NCOA3: variants seen among roughly 807,000 people sequenced by gnomAD.
NCOA3 encodes the protein nuclear receptor coactivator 3.
In NCOA3, 51 loss-of-function variants were observed where a neutral mutation model predicts 158.8. The observed-to-expected ratio is 0.32, with a 90% CI of 0.26 to 0.41. The LOEUF (loss-of-function observed/expected upper bound fraction) is 0.41, where lower values mean the gene tolerates loss of function less well. Ranked by LOEUF, NCOA3 falls within the 10% of genes least tolerant of loss-of-function variation. The probability of loss-of-function intolerance (pLI) is 1.00; values close to 1 mark genes in which losing one functional copy is unlikely to be tolerated. For missense variants in NCOA3, 1,510 were observed against 1,746.6 expected (o/e 0.86, Z 2.41); for synonymous variants, 537 against 592.4 (o/e 0.91, Z 1.36).
At chr20:47,617,477 T>C (rs1183923666) in intron 2 of NCOA3, among the ~76,000 whole-genome samples, 1 of 152,218 alleles carries the variant, frequency 6.6e-6, no homozygotes, top group African/African-American at 2.4e-5. Context: ...TCATCTTCAT[T>C]CTTGACTGTT....
chr20:47,545,796 C>G (rs991099950), intron 1 of NCOA3, among the ~76,000 whole-genome samples: 6 of 151,836 alleles, frequency 4.0e-5, no homozygotes, highest in African/African-American at 1.2e-4. Context: ...CTCATTGCAA[C>G]CTCCACCTCC....
At chr20:47,531,577 A>G (rs985569750) in intron 1 of NCOA3, among the ~76,000 whole-genome samples, 7 of 152,176 alleles carry the variant, frequency 4.6e-5, no homozygotes, top group Admixed American at 2.6e-4. Context: ...GAGCAAGAAT[A>G]ATGTTGTGAC....
At chr20:47,633,986 C>G in intron 9 of NCOA3, 62 bp from the exon 10 acceptor site, 4 of 1,575,986 alleles carry the variant, frequency 2.5e-6, no homozygotes, top group Non-Finnish European at 3.5e-6. Context: ...CTCCCTGTCC[C>G]CTCCTATATA....
chr20:47,618,573 C>T (rs538439645), intron 2 of NCOA3, among the ~76,000 whole-genome samples: 15 of 152,160 alleles, frequency 9.9e-5, no homozygotes, highest in South Asian at 2.1e-4. Context: ...AGGCTGGTCT[C>T]GAACTCCCGA....
At chr20:47,652,829 T>C (rs1251224512) in intron 21 of NCOA3, 102 bp from the exon 22 acceptor site, 3 of 1,356,754 alleles carry the variant, frequency 2.2e-6, no homozygotes, top group Non-Finnish European at 3.1e-6. Context: ...ATTCCCAGCT[T>C]AAGTATAGCA....
intron 1 of NCOA3, among the ~76,000 whole-genome samples, chr20:47,556,429 T>C (rs2085008171): frequency 1.3e-5 from 2 of 152,356 alleles, no homozygotes; most frequent in Middle Eastern, 3.4e-3. Flanking sequence ...AAATTGATTT[T>C]GCAATATTTT....
intron 1 of NCOA3, among the ~76,000 whole-genome samples, chr20:47,571,295 G>A (rs1016436685): frequency 3.3e-5 from 5 of 150,336 alleles, no homozygotes; most frequent in Middle Eastern, 3.6e-3. Flanking sequence ...ATGAGCCACC[G>A]TGCCCGGCTA....
intron 1 of NCOA3, among the ~76,000 whole-genome samples, chr20:47,568,226 C>A (rs2085229940): frequency 6.6e-6 from 1 of 152,028 alleles, no homozygotes; most frequent in Non-Finnish European, 1.5e-5. Flanking sequence ...TGAATAAAAC[C>A]AGGGAGGAAT....
At position 47,655,866 on chromosome 20, in the gene NCOA3, T is replaced by C. The variant is rs776375537; in HGVS notation, c.*2449T>C. 5 of 152,472 alleles carry C rather than the reference T, an allele frequency of 3.3e-5. No individual in the cohort carries two copies. Among genetic ancestry groups the C allele is most frequent in the Non-Finnish European group, 7.4e-5 (5 of 67,986 alleles). 9.4% of individuals were successfully genotyped at this position (152,472 alleles called of 1,614,324 possible). A position where few individuals can be genotyped will look rare whatever the true frequency, so the allele number is the denominator to read the frequency against. On this transcript the variant is annotated 3_prime_UTR_variant, in exon 23 of 23. Coordinates refer to ENST00000371998, the MANE Select transcript of NCOA3 (RefSeq NM_181659.3). The stretch of plus-strand genomic sequence containing the variant: ...CTCCCTTTTTTATATAGTAGAAAAA[T>C]GAAGTTTATTATAAGTTTTTATATT...
At chr20:47,593,245 T>G (rs1356732494) in intron 2 of NCOA3, among the ~76,000 whole-genome samples, 1 of 151,712 alleles carries the variant, frequency 6.6e-6, no homozygotes, top group African/African-American at 2.4e-5. Flanking sequence ...CACATACGTT[T>G]TAAAATCAAG....
chr20:47,653,010 C>G lies in NCOA3; in HGVS notation c.4201C>G (p.His1401Asp). The change falls in exon 22 of 23, where the codon CAC (histidine) becomes GAC (aspartate). Residue 1401 changes from histidine (H) to aspartate (D), a missense_variant. By Grantham distance (81) the His-to-Asp change is moderately conservative (BLOSUM62 -1). Transcript: ENST00000371998. ...GGTGCACATGAATGGCAGCAGTGGT[C>G]ACATGGGACAGATGAACATGAACCC... ...SMVHMNGSSG[H>D]MGQMNMNPMP... is the part of the protein sequence containing the mutation. The G allele has an allele frequency of 6.2e-7, 1 of 1,614,154 alleles. No homozygotes were observed. Among genetic ancestry groups the G allele is most frequent in the East Asian group, 2.2e-5 (1 of 44,888 alleles).
chr20:47,594,674 A>AC (rs2085717680), intron 2 of NCOA3, among the ~76,000 whole-genome samples: 1 of 79,654 alleles, frequency 1.3e-5, no homozygotes, highest in Non-Finnish European at 3.1e-5. Flanking sequence ...CAAAAAAAAA[A>AC]AAAAAAAAAA....
intron 17 of NCOA3, among the ~76,000 whole-genome samples, chr20:47,642,933 C>T (rs914750573): frequency 1.3e-5 from 2 of 152,138 alleles, no homozygotes; most frequent in South Asian, 2.1e-4. Flanking sequence ...TTTTTTGAAT[C>T]GGAGTCTCGC....
intron 1 of NCOA3, among the ~76,000 whole-genome samples, chr20:47,513,987 C>T (rs2084189526): frequency 6.6e-6 from 1 of 151,990 alleles, no homozygotes; most frequent in Admixed American, 6.6e-5. Context: ...GTATATGTAC[C>T]TAGACTAGGG....
rs193151407 is a variant in NCOA3 at position 47,639,818 on chromosome 20, A to G, written c.2949A>G (p.Gln983=). The G allele has an allele frequency of 1.2e-6, 2 of 1,614,036 alleles. No individual in the cohort carries two copies. Among genetic ancestry groups the G allele is most frequent in the East Asian group, 2.2e-5 (1 of 44,882 alleles). The change falls in exon 15 of 23, where the codon CAA becomes CAG. Residue 983 remains glutamine, a synonymous_variant. Coordinates refer to ENST00000371998, the MANE Select transcript of NCOA3 (RefSeq NM_181659.3). ...TGCAACAGCAGCAGCAGATGCTTCA[A>G]ATGAGTAAGTGTCCACCCTCCCCTC... ...PVLQQQQQML[Q]MRPGEIPMGM... is the part of the protein sequence containing the mutation.
chr20:47,652,815 TA>T, intron 21 of NCOA3, 115 bp from the exon 22 acceptor site: 1 of 1,270,394 alleles, frequency 7.9e-7, no homozygotes, highest in Non-Finnish European at 1.1e-6. Flanking sequence ...GAGTTTTCTC[TA>T]ACATTCCCAG....
intron 1 of NCOA3, among the ~76,000 whole-genome samples, chr20:47,553,645 G>A (rs968832318): frequency 1.5e-4 from 22 of 148,074 alleles, no homozygotes; most frequent in African/African-American, 4.5e-4. Flanking sequence ...GAGAACATGC[G>A]GTGTTTGGTT....
chr20:47,602,966 A>G (rs1334657205), intron 2 of NCOA3, among the ~76,000 whole-genome samples: 2 of 152,232 alleles, frequency 1.3e-5, no homozygotes, highest in African/African-American at 4.8e-5. Flanking sequence ...AAAAAATTGC[A>G]GAGCGATAAG....
In NCOA3 at chr20:47,629,423, G is replaced by T. The variant is rs558037028; in HGVS notation, c.823+1400G>T. 7.9e-5 allele frequency among the ~76,000 whole-genome samples: 12 copies of T among 151,590 alleles called. No homozygotes were observed. The East Asian group carries it at 2.1e-3, about 27-fold the overall frequency. ...CAGCTCACTGCAACCTCTGCCTCCT[G>T]GGTTCAAGTGATTCTCCTGCCTCAG... On this transcript the variant is annotated intron_variant, in intron 8 of 22. Transcript: ENST00000371998.
Sources: allele counts gnomAD v4.1 joint callset (sites outside exome capture counted in the v4.1 genomes callset), GRCh38; gene constraint gnomAD v4.1.1; transcripts MANE v1.5; gene names NCBI Gene and HGNC (gene_info 2026-07-23, HGNC 2026-07-21).